The following KALRN variants were observed in gnomAD, a reference collection of about 807,000 sequenced individuals.
The protein encoded by KALRN is kalirin RhoGEF kinase, also known as kalirin.
KALRN carries 70 observed loss-of-function variants against 353.7 expected under a neutral mutation model. That is an observed-to-expected ratio of 0.20 (90% confidence interval 0.16 to 0.24). KALRN has a LOEUF of 0.24. Ranked by LOEUF, KALRN falls within the 10% of genes least tolerant of loss-of-function variation. The pLI, the probability that KALRN is intolerant of heterozygous loss-of-function variation, is 1.00. For missense variants in KALRN, 2,791 were observed against 3,756.7 expected (o/e 0.74, Z 6.72); for synonymous variants, 1,391 against 1,434.8 (o/e 0.97, Z 0.69).
intron 3 of KALRN, among the ~76,000 whole-genome samples, chr3:124,254,559 C>T (rs745862320): frequency 5.9e-5 from 9 of 151,940 alleles, no homozygotes; most frequent in South Asian, 2.1e-4. Context: ...GTTTTCTTAA[C>T]GGTAGGGCAG....
intron 10 of KALRN, among the ~76,000 whole-genome samples, chr3:124,369,961 G>A (rs1420451458): frequency 6.6e-6 from 1 of 152,072 alleles, no homozygotes; most frequent in African/African-American, 2.4e-5. Context: ...TTTTATTGCT[G>A]AATAGTACTC....
intron 5 of KALRN, among the ~76,000 whole-genome samples, chr3:124,293,806 AAAG>A (rs1488334670): frequency 6.6e-6 from 1 of 152,236 alleles, no homozygotes; most frequent in African/African-American, 2.4e-5. Context: ...CTCAAAAAAC[AAAG>A]ACAAGTTTGA....
At chr3:124,667,579 T>C (rs2085802325) in intron 47 of KALRN, among the ~76,000 whole-genome samples, 2 of 152,230 alleles carry the variant, frequency 1.3e-5, no homozygotes, top group African/African-American at 4.8e-5. Context: ...TAGAGATAAA[T>C]GAGAGTTTGA....
chr3:124,628,742 ATTTTTTTTTTTTTT>A (rs58523719), intron 34 of KALRN, among the ~76,000 whole-genome samples: 1 of 100,096 alleles, frequency 1.0e-5, no homozygotes, highest in Non-Finnish European at 2.0e-5. Context: ...CACCTGGCTA[ATTTTTTTTTTTTTT>A]TTTTTTTTTT....
chr3:124,110,991 C>A (rs1391053978), intron 1 of KALRN, among the ~76,000 whole-genome samples: 1 of 152,134 alleles, frequency 6.6e-6, no homozygotes, highest in Non-Finnish European at 1.5e-5. Flanking sequence ...AAGGCAAAAG[C>A]TTTTTTTGTG....
At chr3:124,682,030 G>T (rs962984084) in intron 51 of KALRN, among the ~76,000 whole-genome samples, 6 of 152,084 alleles carry the variant, frequency 3.9e-5, no homozygotes, top group African/African-American at 1.2e-4. Flanking sequence ...CTGCTAGTTT[G>T]GTATTTTCAG....
Position 124,637,188 on chromosome 3 carries a change from T to C in KALRN, c.5569-20T>C. The C allele has an allele frequency of 6.3e-7, 1 of 1,591,314 alleles. No homozygotes were observed. Among genetic ancestry groups the C allele is most frequent in the Non-Finnish European group, 8.6e-7 (1 of 1,159,198 alleles). ...ATTCTTTGCTAATCTGCTTTTCCTCTGCTGCCCGATGTCTTGCAGTCCTCC... is the reference window on the plus strand; with the variant it reads ...ATTCTTTGCTAATCTGCTTTTCCTCCGCTGCCCGATGTCTTGCAGTCCTCC... On this transcript the variant is annotated intron_variant, in intron 36 of 59. Coordinates refer to ENST00000682506, the MANE Select transcript of KALRN (RefSeq NM_001388419.1).
chr3:124,393,846 C>T (rs59286899), intron 11 of KALRN, among the ~76,000 whole-genome samples: 2,467 of 152,202 alleles, frequency 0.016, 62 homozygotes, highest in African/African-American at 0.055. Flanking sequence ...TCTCTTCTGC[C>T]GCATCTAGGG....
chr3:124,163,657 T>A, intron 1 of KALRN: 1 of 984,562 alleles, frequency 1.0e-6, no homozygotes, highest in Non-Finnish European at 1.2e-6. Context: ...GCTATAAAGG[T>A]AGAAGAATAA....
rs1013663934 is a variant in KALRN, at chr3:124,491,388, G to A, written c.4653G>A (p.Gly1551=). Reference sequence around the variant, plus strand: ...CCTGCAAATTCGCCTTGTGGTCTGGGCGCACCCCATCCTCAGACAATAAAA... The same window carrying A: ...CCTGCAAATTCGCCTTGTGGTCTGGACGCACCCCATCCTCAGACAATAAAA... The part of the protein sequence containing the change: ...GDPCKFALWS[G]RTPSSDNKTV... The change falls in exon 31 of 60, where the codon GGG becomes GGA. Residue 1551 remains glycine (G), a synonymous_variant. Coordinates refer to ENST00000682506, the MANE Select transcript of KALRN (RefSeq NM_001388419.1). The A allele has an allele frequency of 1.9e-6, 3 of 1,609,986 alleles. No homozygotes were observed. The highest frequency in any genetic ancestry group is 1.3e-5 in the African/African-American group (1 of 74,742).
intron 13 of KALRN, among the ~76,000 whole-genome samples, chr3:124,409,093 A>AT (rs2091899136): frequency 6.6e-6 from 1 of 152,186 alleles, no homozygotes; most frequent in African/African-American, 2.4e-5. Flanking sequence ...GAATAGAAAT[A>AT]TTGCCAATGT....
At chr3:124,265,351 G>A (rs2073399627) in intron 4 of KALRN, among the ~76,000 whole-genome samples, 1 of 125,532 alleles carries the variant, frequency 8.0e-6, no homozygotes, top group African/African-American at 3.1e-5. Flanking sequence ...CTGGAGTGCA[G>A]TGATGATCTC....
At chr3:124,436,082 T>C (rs2093449854) in intron 17 of KALRN, among the ~76,000 whole-genome samples, 1 of 152,170 alleles carries the variant, frequency 6.6e-6, no homozygotes, top group African/African-American at 2.4e-5. Context: ...AGTTGATTTT[T>C]GACAAAAAAA....
chr3:124,697,668 C>T lies in KALRN; in HGVS notation c.7775C>T (p.Pro2592Leu), dbSNP rs756968542. The change falls in exon 55 of 60, where the codon CCC becomes CTC. Residue 2592 changes from proline (P) to leucine (L), a missense_variant. Pro to Leu is a moderately conservative substitution (Grantham distance 98, BLOSUM62 -3). Coordinates refer to ENST00000682506, the MANE Select transcript of KALRN (RefSeq NM_001388419.1). ...TCCGTGATTCTCCGCTGGCTGCCCCCCTCCAGCACAGGAAACTGCACTATT... is the reference window on the plus strand; with the variant it reads ...TCCGTGATTCTCCGCTGGCTGCCCCTCTCCAGCACAGGAAACTGCACTATT... ...CTSVILRWLP[P>L]SSTGNCTISG... The T allele has an allele frequency of 3.7e-6, 6 of 1,606,158 alleles. No individual in the cohort carries two copies. The highest frequency in any genetic ancestry group is 3.4e-5 in the Admixed American group (2 of 59,240).
At chr3:124,317,960 T>A (rs2078972395) in intron 6 of KALRN, among the ~76,000 whole-genome samples, 1 of 152,106 alleles carries the variant, frequency 6.6e-6, no homozygotes, top group Non-Finnish European at 1.5e-5. Context: ...TGATGCCTCA[T>A]ACAAAAACAT....
At chr3:124,681,674 G>A (rs2087796118) in intron 51 of KALRN, among the ~76,000 whole-genome samples, 2 of 134,242 alleles carry the variant, frequency 1.5e-5, no homozygotes, top group Admixed American at 9.2e-5. Context: ...CTGTCACACA[G>A]GCTGGAGTGC....
chr3:124,640,777 T>C lies in KALRN; in HGVS notation c.5664+3474T>C, dbSNP rs567308275. ...TCTTCTAGTAATTGAAGCACTGCCA[T>C]GGGAATGAGGTTGCAAAGAGCAACT... On this transcript the variant is annotated intron_variant, in intron 37 of 59. Transcript: ENST00000682506. Among the ~76,000 whole-genome samples, 105 of 152,262 alleles carry C rather than the reference T, an allele frequency of 6.9e-4. 1 individual carries two copies. The Middle Eastern group carries it at 0.01, about 15-fold the overall frequency.
At chr3:124,603,969 G>A (rs13066544) in intron 34 of KALRN, among the ~76,000 whole-genome samples, 13,585 of 152,094 alleles carry the variant, frequency 0.089, 753 homozygotes, top group Non-Finnish European at 0.11. Flanking sequence ...CTAGGATAAA[G>A]AGAGTGAACA....
At chr3:124,524,350 T>G (rs2067404955) in intron 33 of KALRN, among the ~76,000 whole-genome samples, 1 of 152,168 alleles carries the variant, frequency 6.6e-6, no homozygotes, top group South Asian at 2.1e-4. Context: ...GAGATAGGTA[T>G]GTATCGGCAG....
Sources: allele counts gnomAD v4.1 joint callset (sites outside exome capture counted in the v4.1 genomes callset), GRCh38; gene constraint gnomAD v4.1.1; transcripts MANE v1.5; gene names NCBI Gene and HGNC (gene_info 2026-07-23, HGNC 2026-07-21).